Variants in STK31 observed in about 807,000 individuals in gnomAD.
STK31 encodes the protein serine/threonine kinase 31.
Under a neutral mutation model 129.7 loss-of-function variants are expected in STK31, and 89 were observed. The observed-to-expected ratio is 0.69, with a 90% CI of 0.58 to 0.82. The LOEUF is 0.82. Among genes scored for constraint, STK31 ranks in the 40% least tolerant of loss-of-function variants. The pLI is 0.00. For missense variants in STK31, 1,187 were observed against 1,176.4 expected (o/e 1.01, Z -0.13); for synonymous variants, 448 against 395.3 (o/e 1.13, Z -1.58).
chr7:23,805,888 G>T (rs928729652), intron 22 of STK31, among the ~76,000 whole-genome samples: 6 of 152,202 alleles, frequency 3.9e-5, no homozygotes, highest in Admixed American at 2.0e-4. Flanking sequence ...AACTGCTTTA[G>T]AAAGTTTTAT....
At position 23,786,567 on chromosome 7, in the gene STK31, T is replaced by C. The variant is rs762370707; in HGVS notation, c.2334T>C (p.His778=). Residue 778 remains histidine, a synonymous_variant, in exon 19 of 24, where the codon CAT becomes CAC. Transcript: ENST00000355870. ...TGATTGAGAGAGCAGCCACCTACCA[T>C]AGAGCTTGGAGAGAAGCTGAAGGAG... ...AKVIERAATY[H]RAWREAEGDS... is the part of the protein sequence containing the mutation. The C allele has an allele frequency of 3.6e-5, 58 of 1,613,696 alleles. No homozygotes were observed. In the Admixed American group the frequency reaches 8.7e-4, roughly 24 times the overall value.
chr7:23,798,421 C>T (rs149574540), intron 22 of STK31, among the ~76,000 whole-genome samples: 1,411 of 140,668 alleles, frequency 0.01, 29 homozygotes, highest in Non-Finnish European at 0.016. Flanking sequence ...TCAGCTTCAT[C>T]CCTGGGATGC....
chr7:23,717,563 A>C lies in STK31; in HGVS notation c.233A>C (p.Asn78Thr). The C allele has an allele frequency of 6.2e-7, 1 of 1,611,960 alleles. No homozygotes were observed. Among genetic ancestry groups the C allele is most frequent in the Non-Finnish European group, 8.5e-7 (1 of 1,178,632 alleles). ...CCCCAGGCCAGTTCAGTTTTGGGGA[A>C]TCTTGACCCAAACAAGGTGAGCCAT... The part of the protein sequence containing the change: ...VCPQASSVLG[N>T]LDPNKIYGGL... The change falls in exon 4 of 24, where the codon AAT (asparagine) becomes ACT (threonine). Residue 78 changes from asparagine (N) to threonine (T), a missense_variant. Physicochemically the swap from Asn to Thr is moderately conservative, Grantham distance 65. Coordinates refer to ENST00000355870, the MANE Select transcript of STK31 (RefSeq NM_031414.5).
At chr7:23,783,832 G>A (rs991722328) in intron 17 of STK31, among the ~76,000 whole-genome samples, 169 bp downstream of exon 17, 1 of 152,064 alleles carries the variant, frequency 6.6e-6, no homozygotes, top group Non-Finnish European at 1.5e-5. Flanking sequence ...TAGTTGCATG[G>A]TATATATTTG....
upstream of STK31, chr7:23,710,204 C>T (rs997252226): frequency 1.0e-5 from 16 of 1,607,794 alleles, no homozygotes; most frequent in Admixed American, 2.7e-4. Flanking sequence ...CACGCAGGCG[C>T]AGTGTGGGGC....
Position 23,783,568 on chromosome 7 carries a change from T to C in STK31, c.2068-15T>C. The C allele has an allele frequency of 6.3e-7, 1 of 1,590,294 alleles. No individual in the cohort carries two copies. The highest frequency in any genetic ancestry group is 1.7e-4 in the Middle Eastern group (1 of 5,946). On this transcript the variant is annotated splice_polypyrimidine_tract_variant and intron_variant, in intron 16 of 23. Coordinates refer to ENST00000355870, the MANE Select transcript of STK31 (RefSeq NM_031414.5). ...TATTGATCTACAGTTAAAAACTTTT[T>C]TTTTTTAACTTTAGGAGATGCTAAC...
chr7:23,786,534 A>G lies in STK31; in HGVS notation c.2301A>G (p.Glu767=). Reference sequence around the variant, plus strand: ...GCTATTCTGTGGATGTTGACACAGAAGCCAAGGTGATTGAGAGAGCAGCCA... The same window carrying G: ...GCTATTCTGTGGATGTTGACACAGAGGCCAAGGTGATTGAGAGAGCAGCCA... ...LKGYSVDVDT[E]AKVIERAATY... The change falls in exon 19 of 24, where the codon GAA becomes GAG. Residue 767 remains glutamate (E), a synonymous_variant. Coordinates refer to ENST00000355870, the MANE Select transcript of STK31 (RefSeq NM_031414.5). 4 of 1,613,624 alleles carry G rather than the reference A, an allele frequency of 2.5e-6. No homozygotes were observed. The highest frequency in any genetic ancestry group is 3.4e-6 in the Non-Finnish European group (4 of 1,179,760).
chr7:23,717,097 C>CTTTTTTTTTTTTTTTTTTT (rs70956911), intron 3 of STK31, among the ~76,000 whole-genome samples: 14 of 42,946 alleles, frequency 3.3e-4, no homozygotes, highest in South Asian at 9.4e-4. Context: ...TCGCAACCTG[C>CTTTTTTTTTTTTTTTTTTT]TTTTTTTTTT....
intron 22 of STK31, among the ~76,000 whole-genome samples, chr7:23,792,656 A>G (rs1457859867): frequency 6.6e-6 from 1 of 152,200 alleles, no homozygotes; most frequent in Non-Finnish European, 1.5e-5. Flanking sequence ...GATAGCCAAA[A>G]CAAGTTTGAA....
intron 22 of STK31, among the ~76,000 whole-genome samples, chr7:23,805,395 A>G (rs536751994): frequency 9.9e-5 from 15 of 152,284 alleles, no homozygotes; most frequent in African/African-American, 3.4e-4. Flanking sequence ...CTTTTTAAAA[A>G]GTTTTATTTC....
intron 22 of STK31, among the ~76,000 whole-genome samples, chr7:23,813,105 T>C (rs1188947225): frequency 6.7e-6 from 1 of 148,226 alleles, no homozygotes; most frequent in African/African-American, 2.5e-5. Flanking sequence ...TTTTGTCTGT[T>C]TTCTCTCTGA....
At chr7:23,720,612 A>T (rs1786635755) in intron 4 of STK31, among the ~76,000 whole-genome samples, 1 of 152,182 alleles carries the variant, frequency 6.6e-6, no homozygotes, top group African/African-American at 2.4e-5. Flanking sequence ...GTCCATACAA[A>T]CTAAGAGCTG....
At chr7:23,801,661 T>G (rs1358998360) in intron 22 of STK31, among the ~76,000 whole-genome samples, 1 of 152,170 alleles carries the variant, frequency 6.6e-6, no homozygotes, top group African/African-American at 2.4e-5. Flanking sequence ...TTCTAAAAGC[T>G]CTATAGTTGT....
intron 1 of STK31, 24 bp downstream of exon 1, chr7:23,710,359 G>A: frequency 6.2e-7 from 1 of 1,613,404 alleles, no homozygotes; most frequent in Non-Finnish European, 8.5e-7. Flanking sequence ...TTTGTGGTAC[G>A]TGCAGTGGTG....
chr7:23,748,763 T>C (rs34006918), intron 8 of STK31, among the ~76,000 whole-genome samples: 37,847 of 152,178 alleles, frequency 0.25, 4,978 homozygotes, highest in South Asian at 0.34. Flanking sequence ...ATAATACATA[T>C]AACATACAGA....
intron 8 of STK31, among the ~76,000 whole-genome samples, chr7:23,750,067 T>TCCTCCCCC (rs1554287953): frequency 3.3e-5 from 3 of 90,550 alleles, no homozygotes; most frequent in Admixed American, 1.4e-4. Flanking sequence ...ATGGTTTGTT[T>TCCTCCCCC]CCCCCCCCGC....
At position 23,767,109 on chromosome 7, in the gene STK31, A is replaced by G. The variant is rs115878618; in HGVS notation, c.1417-1886A>G. 2.2e-3 allele frequency among the ~76,000 whole-genome samples: 342 copies of G among 152,180 alleles called. 2 individuals are homozygous for G. The highest frequency in any genetic ancestry group is 7.7e-3 in the African/African-American group (320 of 41,540). ...TAAGTACTTGGCTTTTGTGTTTCCA[A>G]TATTCTTTCTTTTGTTGAGAATATT... On this transcript the variant is annotated intron_variant, in intron 11 of 23. Transcript: ENST00000355870.
chr7:23,737,072 G>A lies in STK31; in HGVS notation c.1011G>A (p.Glu337=). The A allele has an allele frequency of 6.2e-7, 1 of 1,604,114 alleles. No individual in the cohort carries two copies. Among genetic ancestry groups the A allele is most frequent in the Non-Finnish European group, 8.5e-7 (1 of 1,178,238 alleles). Residue 337 remains glutamate, a synonymous_variant, in exon 8 of 24, where the codon GAG becomes GAA. Transcript: ENST00000355870. ...TGAAAGTAGAGCAGATTGCCCAGGA[G>A]CTGCAGGTATGTTCAGTGGCTTAAG... ...LELKVEQIAQ[E]LQQEKAAAVD...
chr7:23,724,345 C>G (rs1004240802), intron 4 of STK31, among the ~76,000 whole-genome samples: 2 of 152,150 alleles, frequency 1.3e-5, no homozygotes, highest in Non-Finnish European at 2.9e-5. Flanking sequence ...CCCTTAGTGT[C>G]TTGTAAATTA....
Sources: allele counts gnomAD v4.1 joint callset (sites outside exome capture counted in the v4.1 genomes callset), GRCh38; gene constraint gnomAD v4.1.1; transcripts MANE v1.5; gene names NCBI Gene and HGNC (gene_info 2026-07-23, HGNC 2026-07-21).